The following ADGRD1 variants were observed in gnomAD, a reference collection of about 807,000 sequenced individuals.
ADGRD1 encodes adhesion G protein-coupled receptor D1.
Under a neutral mutation model 113.4 loss-of-function variants are expected in ADGRD1, and 77 were observed. That is an observed-to-expected ratio of 0.68 (90% CI 0.57 to 0.82). ADGRD1 has a LOEUF of 0.82. ADGRD1 is among the 40% of genes least tolerant of loss of function. ADGRD1 has a pLI of 0.00. For synonymous variants in ADGRD1, 474 were observed against 475.0 expected (o/e 1.00, Z 0.03); for missense variants, 1,036 against 1,139.1 (o/e 0.91, Z 1.30).
Position 130,965,643 on chromosome 12 carries a change from C to A in ADGRD1, c.104-820C>A, listed in dbSNP as rs1387219848. On this transcript the variant is annotated intron_variant, in intron 2 of 24. Coordinates refer to ENST00000261654, the MANE Select transcript of ADGRD1 (RefSeq NM_198827.5). This position sits in a 1 kb window ranked among gnomAD's most constrained non-coding sequence, Gnocchi z 4.8. ...AAGAATGGCATAACATGTTATGGGG[C>A]AGCCACTCAAGAGACTGTTACCCAA... 2.0e-5 allele frequency among the ~76,000 whole-genome samples: 3 copies of A among 152,174 alleles called. No homozygotes were observed. The highest frequency in any genetic ancestry group is 7.2e-5 in the African/African-American group (3 of 41,438).
Position 130,971,651 on chromosome 12 carries a change from C to A in ADGRD1, c.310+71C>A, listed in dbSNP as rs920228359. ...CAGGGAGCACCTGCTCCTCTGGTGA[C>A]TGGAAGATGTGAACCTGAGGTTCTC... is the stretch of plus-strand genomic sequence containing the variant. On this transcript the variant is annotated intron_variant, in intron 4 of 24. Coordinates refer to ENST00000261654, the MANE Select transcript of ADGRD1 (RefSeq NM_198827.5). This position sits in a 1 kb window ranked among gnomAD's most constrained non-coding sequence, Gnocchi z 4.2. 23 of 1,489,446 alleles carry A rather than the reference C, an allele frequency of 1.5e-5. No individual in the cohort carries two copies. Among genetic ancestry groups the A allele is most frequent in the Non-Finnish European group, 2.0e-5 (22 of 1,102,258 alleles). 92.3% of individuals were successfully genotyped at this position (1,489,446 alleles called of 1,614,324 possible).
chr12:131,078,257 C>G (rs76393689), intron 14 of ADGRD1, among the ~76,000 whole-genome samples: 1 of 152,236 alleles, frequency 6.6e-6, no homozygotes. Context: ...GTTCTGTGAA[C>G]AGCGAGGAAA....
intron 13 of ADGRD1, among the ~76,000 whole-genome samples, chr12:131,037,692 T>C (rs373483446): frequency 1.1e-3 from 24 of 21,916 alleles, no homozygotes; most frequent in Non-Finnish European, 9.9e-4. Flanking sequence ...GTCTTACTCA[T>C]TGCACTGGGT....
chr12:131,042,356 C>T (rs1271865258), intron 13 of ADGRD1, among the ~76,000 whole-genome samples: 1 of 152,230 alleles, frequency 6.6e-6, no homozygotes, highest in Non-Finnish European at 1.5e-5. Context: ...AGCGCTACCC[C>T]CAGCCCCCTG....
chr12:130,974,001 G>A (rs1872008776), intron 4 of ADGRD1, among the ~76,000 whole-genome samples: 1 of 152,294 alleles, frequency 6.6e-6, no homozygotes, highest in Admixed American at 6.5e-5. Flanking sequence ...GGCTGCTCTC[G>A]TGAGGCCTGA....
rs767024567 is a variant in ADGRD1, at chr12:131,057,209, C to T, written c.1474-19592C>T. Reference sequence around the variant, plus strand: ...AACAGGTTTGAAGAACTGCACGGAACGCTGCCTGGCGAGCGCCTGCTGGTG... The same window carrying T: ...AACAGGTTTGAAGAACTGCACGGAATGCTGCCTGGCGAGCGCCTGCTGGTG... On this transcript the variant is annotated intron_variant, in intron 13 of 24. Coordinates refer to ENST00000261654, the MANE Select transcript of ADGRD1 (RefSeq NM_198827.5). The surrounding 1 kb of genome is among the most constrained non-coding windows in gnomAD (Gnocchi z 4.2). 1.3e-5 allele frequency among the ~76,000 whole-genome samples: 2 copies of T among 152,186 alleles called. No individual in the cohort carries two copies. The highest frequency in any genetic ancestry group is 6.5e-5 in the Admixed American group (1 of 15,284).
intron 13 of ADGRD1, among the ~76,000 whole-genome samples, chr12:131,054,543 C>T (rs536472378): frequency 3.3e-5 from 5 of 152,312 alleles, no homozygotes; most frequent in Admixed American, 6.5e-5. Context: ...GTTTCCAGGC[C>T]GGCAGGTGTG....
In ADGRD1 at chr12:131,108,709, C is replaced by T. The variant is rs1249389188; in HGVS notation, c.1888-15C>T. The T allele has an allele frequency of 1.2e-6, 2 of 1,614,052 alleles. No individual in the cohort carries two copies. Among genetic ancestry groups the T allele is most frequent in the Admixed American group, 1.7e-5 (1 of 60,006 alleles). On this transcript the variant is annotated splice_polypyrimidine_tract_variant and intron_variant, in intron 17 of 24. Coordinates refer to ENST00000261654, the MANE Select transcript of ADGRD1 (RefSeq NM_198827.5). The stretch of plus-strand genomic sequence containing the variant: ...CCCAGAGCTGTCTCACTTCCCATCT[C>T]TGGTTAAATCCTAGACCCCCTGCCA...
rs1218727351 is a variant in ADGRD1, at chr12:130,965,138, ATTTTC to A, written c.104-1320_104-1316del. On this transcript the variant is annotated intron_variant, in intron 2 of 24. Coordinates refer to ENST00000261654, the MANE Select transcript of ADGRD1 (RefSeq NM_198827.5). This position sits in a 1 kb window ranked among gnomAD's most constrained non-coding sequence, Gnocchi z 4.8. ...AATTCTTATTCTTGTTTTCATAAAT[ATTTTC>A]TTTTTGTTGGCTGCACTTAGGAGAA... Among the ~76,000 whole-genome samples the A allele has an allele frequency of 6.6e-6, 1 of 151,900 alleles. No homozygotes were observed. The highest frequency in any genetic ancestry group is 2.4e-5 in the African/African-American group (1 of 41,358).
chr12:131,104,860 G>T lies in ADGRD1; in HGVS notation c.1701G>T (p.Ser567=). 1 of 1,550,162 alleles carries T rather than the reference G, an allele frequency of 6.5e-7. No individual in the cohort carries two copies. Among genetic ancestry groups the T allele is most frequent in the Non-Finnish European group, 8.7e-7 (1 of 1,147,102 alleles). ...ELARGHQVAL[S]SISYVGCSLS... ...CACGCGGACACCAGGTGGCGCTGTCGTCTATCAGCTATGTGGGCTGCTCCC... is the reference window on the plus strand; with the variant it reads ...CACGCGGACACCAGGTGGCGCTGTCTTCTATCAGCTATGTGGGCTGCTCCC... The change falls in exon 16 of 25, where the codon TCG becomes TCT. Residue 567 remains serine (S), a synonymous_variant. Coordinates refer to ENST00000261654, the MANE Select transcript of ADGRD1 (RefSeq NM_198827.5).
At chr12:130,995,859 T>TAAACAAGTGAACAAAG (rs760347073) in intron 8 of ADGRD1, among the ~76,000 whole-genome samples, 2 of 152,178 alleles carry the variant, frequency 1.3e-5, no homozygotes, top group African/African-American at 4.8e-5. Context: ...GGTCAGCAGA[T>TAAACAAGTGAACAAAG]AAACAAGTGA....
chr12:131,123,739 G>A (rs3927317), intron 20 of ADGRD1, among the ~76,000 whole-genome samples: 33,243 of 151,434 alleles, frequency 0.22, 4,570 homozygotes, highest in South Asian at 0.38. Flanking sequence ...GGAAAATGGC[G>A]TGAACCCGGG....
chr12:130,998,322 C>T (rs2136702243), intron 8 of ADGRD1, among the ~76,000 whole-genome samples: 1 of 152,102 alleles, frequency 6.6e-6, no homozygotes, highest in South Asian at 2.1e-4. Context: ...CTGGTGTAGA[C>T]CTGTTTTGGG....
At chr12:130,972,159 C>T (rs767405330) in intron 4 of ADGRD1, among the ~76,000 whole-genome samples, 4 of 152,266 alleles carry the variant, frequency 2.6e-5, no homozygotes, top group Admixed American at 6.5e-5. Context: ...TTGCTTTTAC[C>T]GTGTGAAGTG....
chr12:131,004,367 T>G, intron 11 of ADGRD1, 71 bp downstream of exon 11: 2 of 985,724 alleles, frequency 2.0e-6, no homozygotes, highest in Non-Finnish European at 3.1e-6. Flanking sequence ...CCCCAAGCTT[T>G]GCTGGGTGCC....
At chr12:131,111,904 C>T (rs1039856742) in intron 18 of ADGRD1, among the ~76,000 whole-genome samples, 1 of 152,072 alleles carries the variant, frequency 6.6e-6, no homozygotes, top group Admixed American at 6.5e-5. Context: ...GTTTTGAAGT[C>T]TCTTTTTTTT....
chr12:130,966,761 T>C lies in ADGRD1; in HGVS notation c.187+215T>C. On this transcript the variant is annotated intron_variant, in intron 3 of 24. Transcript: ENST00000261654. This position sits in a 1 kb window ranked among gnomAD's most constrained non-coding sequence, Gnocchi z 4.6. ...ACGGTGATAGAGATGAACAAATACT[T>C]GTGTAACTTCCCGTAATAGTTATTT... 1.8e-6 allele frequency: 1 copy of C among 560,302 alleles called. No homozygotes were observed. The highest frequency in any genetic ancestry group is 3.2e-6 in the Non-Finnish European group (1 of 312,406). 34.7% of individuals were successfully genotyped at this position (560,302 alleles called of 1,614,324 possible).
In ADGRD1 at chr12:130,954,711, C is replaced by T; in HGVS notation, c.103+51C>T. On this transcript the variant is annotated intron_variant, in intron 2 of 24. Transcript: ENST00000261654. The surrounding 1 kb of genome is among the most constrained non-coding windows in gnomAD (Gnocchi z 4.7). ...AGCACCGCTCTCCCCCTGCCTAGTG[C>T]AGGTATCTCAGGAACAGCCCACTTG... The T allele has an allele frequency of 6.5e-7, 1 of 1,544,382 alleles. No homozygotes were observed. Among genetic ancestry groups the T allele is most frequent in the South Asian group, 1.1e-5 (1 of 89,670 alleles).
chr12:130,963,960 G>A (rs2136494238), intron 2 of ADGRD1, among the ~76,000 whole-genome samples: 1 of 152,338 alleles, frequency 6.6e-6, no homozygotes, highest in South Asian at 2.1e-4. Flanking sequence ...TTGCTTGCCA[G>A]TCTGATGGGT....
Sources: gnomAD v4.1 joint callset for allele counts (sites outside exome capture counted in the v4.1 genomes callset) on GRCh38, gnomAD v4.1.1 for gene constraint, Gnocchi (gnomAD v3.1) non-coding constraint, MANE v1.5 for transcripts, NCBI Gene and HGNC (gene_info 2026-07-23, HGNC 2026-07-21) for gene names.